The following KIF11 variants were observed in gnomAD, a reference collection of about 807,000 sequenced individuals.
KIF11 encodes the protein kinesin family member 11.
A neutral mutation model predicts 121.0 loss-of-function variants in KIF11; 9 were observed. The ratio of observed to expected loss-of-function variants is 0.07; its 90% confidence interval spans 0.04 to 0.13. KIF11 has a LOEUF of 0.13. KIF11 is among the 10% of genes least tolerant of loss of function. KIF11 has a pLI of 1.00. For missense variants in KIF11, 846 were observed against 1,217.5 expected (o/e 0.69, Z 4.54); for synonymous variants, 408 against 421.0 (o/e 0.97, Z 0.38).
At position 92,630,322 on chromosome 10, in the gene KIF11, T is replaced by C. The variant is rs751253468; in HGVS notation, c.1452T>C (p.Ala484=). 2 of 1,603,452 alleles carry C rather than the reference T, an allele frequency of 1.2e-6. No individual in the cohort carries two copies. Among genetic ancestry groups the C allele is most frequent in the Non-Finnish European group, 8.5e-7 (1 of 1,176,754 alleles). ...TTAAAGAAGAATATATCACATCAGC[T>C]TTGGAAAGTACTGAGGAGAAACTTC... The part of the protein sequence containing the change: ...QLVKEEYITS[A]LESTEEKLHD... Residue 484 remains alanine, a synonymous_variant, in exon 12 of 22, where the codon GCT becomes GCC. Coordinates refer to ENST00000260731, the MANE Select transcript of KIF11 (RefSeq NM_004523.4).
rs1176552600 is a variant in KIF11 at position 92,606,833 on chromosome 10, A to C, written c.308+117A>C. 7.0e-6 allele frequency: 5 copies of C among 716,368 alleles called. No individual in the cohort carries two copies. In the Admixed American group the frequency reaches 1.1e-4, roughly 15 times the overall value. The allele number at this position is 716,368 out of a possible 1,614,324, so 44.4% of individuals were successfully genotyped here. On this transcript the variant is annotated intron_variant, in intron 3 of 21. Transcript: ENST00000260731. Reference sequence around the variant, plus strand: ...ACTCTTGTTGCCCAGGCTGGAGTGCAATGGCGCGATCTCGGCTCACTGCAG... The same window carrying C: ...ACTCTTGTTGCCCAGGCTGGAGTGCCATGGCGCGATCTCGGCTCACTGCAG...
At chr10:92,637,055 AAT>A (rs1844811172) in intron 14 of KIF11, 127 bp from the exon 15 acceptor site, 4 of 671,114 alleles carry the variant, frequency 6.0e-6, no homozygotes, top group South Asian at 2.2e-5. Context: ...AAAAAAAAAG[AAT>A]GGAGAATGGA....
rs767864667 is a variant in KIF11, at chr10:92,609,297, AGAGAGAGTGTGTGTGTGTGT to A, written c.574-86_574-67del. ...GAGAGAGAGAGAGAGAGAGAGAGAG[AGAGAGAGTGTGTGTGTGTGT>A]GTGTGTGTGTGTGTGTGTGTGTGTG... On this transcript the variant is annotated intron_variant, in intron 5 of 21. Coordinates refer to ENST00000260731, the MANE Select transcript of KIF11 (RefSeq NM_004523.4). 2.9e-4 allele frequency: 247 copies of A among 850,628 alleles called. No individual in the cohort carries two copies. In the African/African-American group the frequency reaches 5.3e-3, roughly 18 times the overall value. The allele number at this position is 850,628 out of a possible 1,614,324, so 52.7% of individuals were successfully genotyped here.
chr10:92,646,448 G>C (rs1844920811), intron 18 of KIF11, among the ~76,000 whole-genome samples: 1 of 152,062 alleles, frequency 6.6e-6, no homozygotes, highest in South Asian at 2.1e-4. Context: ...TCAGGAAGTA[G>C]GTACAAAGAA....
In KIF11 at chr10:92,613,242, T is replaced by C; in HGVS notation, c.789+112T>C. 9.4e-7 allele frequency: 1 copy of C among 1,062,050 alleles called. No individual in the cohort carries two copies. The highest frequency in any genetic ancestry group is 2.8e-5 in the Admixed American group (1 of 36,310). 65.8% of individuals were successfully genotyped at this position (1,062,050 alleles called of 1,614,324 possible). The stretch of plus-strand genomic sequence containing the variant: ...GGTCACTGGGTGATTAGCTTTGTAG[T>C]GGGAGAAGAAATTTGTTAATTACAG... On this transcript the variant is annotated intron_variant, in intron 7 of 21. Transcript: ENST00000260731. This position sits in a 1 kb window ranked among gnomAD's most constrained non-coding sequence, Gnocchi z 4.2.
chr10:92,630,297 T>C lies in KIF11; in HGVS notation c.1427T>C (p.Val476Ala), dbSNP rs1193431713. 6.2e-7 allele frequency: 1 copy of C among 1,608,542 alleles called. No individual in the cohort carries two copies. The highest frequency in any genetic ancestry group is 2.2e-5 in the East Asian group (1 of 44,808). Residue 476 changes from valine to alanine, a missense_variant, in exon 12 of 22, where the codon GTT (valine) becomes GCT (alanine). Transcript: ENST00000260731. ...KHLQETKLQL[V>A]KEEYITSALE... ...TTGCAAGAAACTAAATTACAACTTG[T>C]TAAAGAAGAATATATCACATCAGCT...
At chr10:92,599,832 T>C (rs1844346861) in intron 1 of KIF11, among the ~76,000 whole-genome samples, 1 of 150,392 alleles carries the variant, frequency 6.6e-6, no homozygotes, top group Non-Finnish European at 1.5e-5. Context: ...TTTGTATTTT[T>C]AGTAGAGACG....
At chr10:92,653,563 G>A in intron 21 of KIF11, 102 bp from the exon 22 acceptor site, 1 of 1,183,786 alleles carries the variant, frequency 8.4e-7, no homozygotes, top group South Asian at 1.9e-5. Context: ...CTACACTTAA[G>A]TTTTTTTGCC....
At chr10:92,635,698 C>A (rs2135918183) in intron 14 of KIF11, among the ~76,000 whole-genome samples, 1 of 152,316 alleles carries the variant, frequency 6.6e-6, no homozygotes, top group Admixed American at 6.5e-5. Context: ...AAAAAAGTCA[C>A]TGATAGACGT....
chr10:92,643,132 G>A (rs1271852184), intron 17 of KIF11, among the ~76,000 whole-genome samples: 3 of 151,988 alleles, frequency 2.0e-5, no homozygotes, highest in African/African-American at 4.8e-5. Flanking sequence ...GGCTGGTTTC[G>A]AACTCCTGAC....
intron 21 of KIF11, among the ~76,000 whole-genome samples, chr10:92,651,337 CTTTT>C (rs201261980): frequency 6.9e-6 from 1 of 145,866 alleles, no homozygotes; most frequent in South Asian, 2.2e-4. Flanking sequence ...CCTCTACCCA[CTTTT>C]TTTTTTCTTT....
At position 92,606,643 on chromosome 10, in the gene KIF11, A is replaced by G; in HGVS notation, c.235A>G (p.Ile79Val). 1 of 1,588,066 alleles carries G rather than the reference A, an allele frequency of 6.3e-7. No individual in the cohort carries two copies. The highest frequency in any genetic ancestry group is 8.6e-7 in the Non-Finnish European group (1 of 1,157,434). The stretch of plus-strand genomic sequence containing the variant: ...GGTGTTTGGAGCATCTACTAAACAG[A>G]TTGATGTTTACCGAAGTGTTGTTTG... ...DMVFGASTKQ[I>V]DVYRSVVCPI... Residue 79 changes from isoleucine (I) to valine (V), a missense_variant, in exon 3 of 22, where the codon ATT becomes GTT. Ile to Val is a conservative substitution (Grantham distance 29). This residue lies in a region of KIF11 where 140 missense variants were observed against 193.5 expected (regional missense o/e 0.72). Coordinates refer to ENST00000260731, the MANE Select transcript of KIF11 (RefSeq NM_004523.4).
At chr10:92,605,013 A>G (rs1844413128) in intron 1 of KIF11, among the ~76,000 whole-genome samples, 1 of 151,948 alleles carries the variant, frequency 6.6e-6, no homozygotes, top group South Asian at 2.1e-4. Flanking sequence ...TGGGTAACAC[A>G]TTAAAAAAAA....
chr10:92,620,749 G>C (rs186203375), intron 9 of KIF11, among the ~76,000 whole-genome samples: 233 of 152,338 alleles, frequency 1.5e-3, no homozygotes, highest in Non-Finnish European at 9.6e-4. Flanking sequence ...CAAAGAGAGA[G>C]AGCTTGTGTG....
rs1845033392 is a variant in KIF11 at position 92,655,215 on chromosome 10, A to C, written c.*1419A>C. Reference sequence around the variant, plus strand: ...TGACTTTGATAGCTAAATTAAACCAAACCCTATTGAAGAATTGAATATATG... The same window carrying C: ...TGACTTTGATAGCTAAATTAAACCACACCCTATTGAAGAATTGAATATATG... On this transcript the variant is annotated 3_prime_UTR_variant, in exon 22 of 22. Transcript: ENST00000260731. 6.6e-6 allele frequency: 1 copy of C among 152,464 alleles called. No homozygotes were observed. The highest frequency in any genetic ancestry group is 1.9e-4 in the East Asian group (1 of 5,200). 9.4% of individuals were successfully genotyped at this position (152,464 alleles called of 1,614,324 possible). A position where few individuals can be genotyped will look rare whatever the true frequency, so the allele number is the denominator to read the frequency against.
In KIF11 at chr10:92,613,393, G is replaced by T. The variant is rs756572617; in HGVS notation, c.806G>T (p.Ser269Ile). ...AAATTAAAGGTTGATCTTGCAGGAA[G>T]TGAAAACATTGGCCGTTCTGGAGCT... Reference protein sequence around the residue: ...GKLNLVDLAGSENIGRSGAVD... With the variant: ...GKLNLVDLAGIENIGRSGAVD... The change falls in exon 8 of 22, where the codon AGT becomes ATT. Residue 269 changes from serine to isoleucine, a missense_variant. Transcript: ENST00000260731. This position sits in a 1 kb window ranked among gnomAD's most constrained non-coding sequence, Gnocchi z 4.2. The T allele has an allele frequency of 6.2e-7, 1 of 1,607,854 alleles. No homozygotes were observed. Among genetic ancestry groups the T allele is most frequent in the East Asian group, 2.2e-5 (1 of 44,834 alleles).
chr10:92,635,543 A>C (rs1052352254), intron 14 of KIF11, among the ~76,000 whole-genome samples: 4 of 152,230 alleles, frequency 2.6e-5, no homozygotes, highest in Non-Finnish European at 5.9e-5. Flanking sequence ...TTGCTGTCTT[A>C]TAGGGGTACA....
At chr10:92,632,794 T>C (rs1844753474) in intron 13 of KIF11, 101 bp downstream of exon 13, 1 of 627,600 alleles carries the variant, frequency 1.6e-6, no homozygotes, top group Admixed American at 3.2e-5. Flanking sequence ...TCACCAATAC[T>C]CTCTACCATG....
At chr10:92,630,440 A>C in intron 12 of KIF11, 76 bp downstream of exon 12, 1 of 793,182 alleles carries the variant, frequency 1.3e-6, no homozygotes, top group Non-Finnish European at 1.9e-6. Flanking sequence ...TTAAGCATTA[A>C]ATATTCTGTT....
Sources: allele counts gnomAD v4.1 joint callset (sites outside exome capture counted in the v4.1 genomes callset), GRCh38; gene constraint gnomAD v4.1.1; regional missense constraint gnomAD v4.1.1; non-coding constraint Gnocchi (gnomAD v3.1); transcripts MANE v1.5; gene names NCBI Gene and HGNC (gene_info 2026-07-23, HGNC 2026-07-21).